SCEL: variants seen among roughly 807,000 people sequenced by gnomAD.
The protein encoded by SCEL is sciellin.
A neutral mutation model predicts 117.6 loss-of-function variants in SCEL; 113 were observed. That is an observed-to-expected ratio of 0.96 (90% CI 0.83 to 1.12). SCEL has a LOEUF of 1.12. SCEL is among the 50% of genes most tolerant of loss of function. The pLI is 0.00. For missense variants in SCEL, 785 were observed against 810.8 expected (o/e 0.97, Z 0.39); for synonymous variants, 270 against 256.2 (o/e 1.05, Z -0.51).
At chr13:77,552,593 A>G (rs894065807) in intron 1 of SCEL, among the ~76,000 whole-genome samples, 1 of 152,060 alleles carries the variant, frequency 6.6e-6, no homozygotes, top group African/African-American at 2.4e-5. Context: ...TCTGGATATT[A>G]GCCCTTTGTC....
chr13:77,590,552 C>G (rs2086809559), intron 10 of SCEL, among the ~76,000 whole-genome samples: 1 of 152,008 alleles, frequency 6.6e-6, no homozygotes, highest in Non-Finnish European at 1.5e-5. Flanking sequence ...ATATTCTAAT[C>G]TAAAATCAGC....
chr13:77,609,237 C>T (rs1386890107), intron 21 of SCEL, 120 bp downstream of exon 21: 1 of 775,700 alleles, frequency 1.3e-6, no homozygotes, highest in African/African-American at 1.8e-5. Context: ...AGCCATGTAA[C>T]CCTGCTACCT....
At chr13:77,563,179 CTCT>C (rs890289584) in intron 4 of SCEL, among the ~76,000 whole-genome samples, 2 of 151,792 alleles carry the variant, frequency 1.3e-5, no homozygotes, top group Non-Finnish European at 2.9e-5. Flanking sequence ...CTTGTCTCTC[CTCT>C]TCTTCTTCCT....
At chr13:77,572,978 G>C (rs2085728437) in intron 9 of SCEL, among the ~76,000 whole-genome samples, 1 of 152,172 alleles carries the variant, frequency 6.6e-6, no homozygotes, top group Middle Eastern at 3.2e-3. Flanking sequence ...GCAGAACCTG[G>C]AGAACTGGAT....
intron 1 of SCEL, among the ~76,000 whole-genome samples, chr13:77,540,980 A>G (rs1429162772): frequency 6.6e-6 from 1 of 152,238 alleles, no homozygotes; most frequent in Non-Finnish European, 1.5e-5. Flanking sequence ...ATGTTGAATT[A>G]TAGGACTTGA....
chr13:77,636,303 A>G (rs2090275493), intron 29 of SCEL, among the ~76,000 whole-genome samples: 2 of 152,142 alleles, frequency 1.3e-5, no homozygotes, highest in African/African-American at 4.8e-5. Context: ...AATATGTGCA[A>G]ATTTTTTTGT....
intron 24 of SCEL, among the ~76,000 whole-genome samples, chr13:77,615,367 T>G (rs184461829): frequency 2.6e-5 from 4 of 152,150 alleles, no homozygotes; most frequent in African/African-American, 9.6e-5. Flanking sequence ...ATATAAAAAT[T>G]AATTAAGCGC....
At chr13:77,642,310 T>C (rs2090594776) in intron 31 of SCEL, among the ~76,000 whole-genome samples, 1 of 152,176 alleles carries the variant, frequency 6.6e-6, no homozygotes, top group African/African-American at 2.4e-5. Context: ...GGTCAGCCAA[T>C]CAGCAGTGGA....
At chr13:77,592,517 A>T (rs10507868) in intron 11 of SCEL, among the ~76,000 whole-genome samples, 20,148 of 150,668 alleles carry the variant, frequency 0.13, 1,427 homozygotes, top group Non-Finnish European at 0.15. Context: ...CTTATTAACC[A>T]TCTATGAGAT....
chr13:77,560,459 C>T (rs2084918824), intron 4 of SCEL, among the ~76,000 whole-genome samples: 1 of 151,858 alleles, frequency 6.6e-6, no homozygotes, highest in Non-Finnish European at 1.5e-5. Context: ...ACAACAACAG[C>T]AACATGACCA....
At position 77,556,644 on chromosome 13, in the gene SCEL, A is replaced by T; in HGVS notation, c.92A>T (p.His31Leu). The T allele has an allele frequency of 6.2e-7, 1 of 1,614,134 alleles. No individual in the cohort carries two copies. The highest frequency in any genetic ancestry group is 1.1e-5 in the South Asian group (1 of 91,078). Residue 31 changes from histidine to leucine, a missense_variant, in exon 3 of 33, where the codon CAC (histidine) becomes CTC (leucine). His to Leu is a moderately conservative substitution (Grantham distance 99). Coordinates refer to ENST00000349847, the MANE Select transcript of SCEL (RefSeq NM_144777.3). ...QGTTRKQQDF[H>L]EVNKRRTFLQ... ...ACCACACGGAAGCAGCAGGATTTTC[A>T]CGAGGTGAACAAAAGAAGAACTTTC...
intron 1 of SCEL, among the ~76,000 whole-genome samples, chr13:77,543,541 C>G (rs933988021): frequency 6.6e-6 from 1 of 152,152 alleles, no homozygotes; most frequent in African/African-American, 2.4e-5. Flanking sequence ...AAATGTCACT[C>G]TATGTAAATC....
intron 5 of SCEL, 89 bp downstream of exon 5, chr13:77,563,988 A>C: frequency 4.3e-6 from 4 of 925,306 alleles, no homozygotes; most frequent in South Asian, 4.6e-5. Flanking sequence ...AAGTTTACCA[A>C]AATAAGGTTT....
intron 24 of SCEL, among the ~76,000 whole-genome samples, chr13:77,616,490 A>G (rs568528264): frequency 2.4e-4 from 37 of 152,186 alleles, no homozygotes; most frequent in Middle Eastern, 3.4e-3. Flanking sequence ...TTTTAATAGT[A>G]TTTATAGATA....
intron 27 of SCEL, among the ~76,000 whole-genome samples, chr13:77,619,134 A>G (rs910637497): frequency 6.6e-6 from 1 of 152,188 alleles, no homozygotes; most frequent in Non-Finnish European, 1.5e-5. Context: ...GGACAAAAAG[A>G]AATTAACATA....
At chr13:77,604,629 T>G (rs1567407793) in intron 19 of SCEL, among the ~76,000 whole-genome samples, 1 of 152,182 alleles carries the variant, frequency 6.6e-6, no homozygotes, top group Non-Finnish European at 1.5e-5. Flanking sequence ...ATCAAATAAT[T>G]TTGAGAAATT....
intron 29 of SCEL, among the ~76,000 whole-genome samples, chr13:77,635,432 A>G (rs1308495744): frequency 2.0e-5 from 3 of 152,234 alleles, no homozygotes; most frequent in Non-Finnish European, 4.4e-5. Context: ...CAAGGCGTGA[A>G]ATATTGGCGA....
chr13:77,640,568 A>C, intron 30 of SCEL, 108 bp from the exon 31 acceptor site: 1 of 435,858 alleles, frequency 2.3e-6, no homozygotes, highest in South Asian at 9.2e-5. Flanking sequence ...AATTTTCTAA[A>C]GTAAAGTATC....
chr13:77,634,039 T>G (rs1056995231), intron 28 of SCEL, among the ~76,000 whole-genome samples: 5 of 152,214 alleles, frequency 3.3e-5, no homozygotes, highest in Non-Finnish European at 5.9e-5. Flanking sequence ...AAGAAAGTTA[T>G]GGTTTGGAAA....
Sources: allele counts gnomAD v4.1 joint callset (sites outside exome capture counted in the v4.1 genomes callset), GRCh38; gene constraint gnomAD v4.1.1; transcripts MANE v1.5; gene names NCBI Gene and HGNC (gene_info 2026-07-23, HGNC 2026-07-21).